The following MPPED2 variants were observed in gnomAD, a reference collection of about 807,000 sequenced individuals.
MPPED2 encodes metallophosphoesterase domain containing 2.
A neutral mutation model predicts 33.0 loss-of-function variants in MPPED2; 5 were observed. The ratio of observed to expected loss-of-function variants is 0.15; its 90% CI spans 0.08 to 0.32. The LOEUF (loss-of-function observed/expected upper bound fraction) is 0.32, where lower values mean the gene tolerates loss of function less well. Ranked by LOEUF, MPPED2 falls within the 10% of genes least tolerant of loss-of-function variation. The pLI is 1.00. For synonymous variants in MPPED2, 136 were observed against 141.9 expected (o/e 0.96, Z 0.29); for missense variants, 275 against 372.1 (o/e 0.74, Z 2.15).
chr11:30,384,240 G>A (rs906444714), downstream of MPPED2, among the ~76,000 whole-genome samples: 2 of 152,104 alleles, frequency 1.3e-5, no homozygotes, highest in South Asian at 4.1e-4. Flanking sequence ...CTTTGAATCT[G>A]CTTCTACTCT....
chr11:30,581,086 T>C (rs560467011), intron 1 of MPPED2, among the ~76,000 whole-genome samples: 1 of 152,368 alleles, frequency 6.6e-6, no homozygotes, highest in African/African-American at 2.4e-5. Context: ...CATTCCTCAC[T>C]GGCCCAGAAC....
downstream of MPPED2, among the ~76,000 whole-genome samples, chr11:30,408,639 C>T: frequency 6.6e-6 from 1 of 152,178 alleles, no homozygotes; most frequent in East Asian, 1.9e-4. Flanking sequence ...CATCCATCAA[C>T]TTATCCAGTC....
intron 4 of MPPED2, among the ~76,000 whole-genome samples, chr11:30,460,756 G>A (rs1423104959): frequency 6.6e-6 from 1 of 152,176 alleles, no homozygotes; most frequent in African/African-American, 2.4e-5. Flanking sequence ...CTGCTAAAAA[G>A]TAGCTTACAG....
chr11:30,560,654 C>T (rs928710075), intron 2 of MPPED2, among the ~76,000 whole-genome samples: 24 of 152,192 alleles, frequency 1.6e-4, no homozygotes, highest in Non-Finnish European at 2.9e-5. Flanking sequence ...TAACTCAAGA[C>T]ACTTTACTTG....
At chr11:30,477,094 A>G (rs756629906) in intron 4 of MPPED2, among the ~76,000 whole-genome samples, 4 of 152,018 alleles carry the variant, frequency 2.6e-5, no homozygotes, top group Non-Finnish European at 5.9e-5. Context: ...ATTCTTATTC[A>G]CTTATTACTT....
At position 30,397,269 on chromosome 11, in the gene MPPED2, T is replaced by C. The variant is rs548789355; in HGVS notation, c.767-8313A>G. ...TCTGAGTCATACTTATCAGCCACTA[T>C]TTCTTGTATGCTAGTTTGTTTTTCA... On this transcript the variant is annotated intron_variant, in intron 6 of 6. Coordinates refer to the MPPED2 transcript ENST00000448418. Among the ~76,000 whole-genome samples, 15 of 152,288 alleles carry C rather than the reference T, an allele frequency of 9.8e-5. No homozygotes were observed. The South Asian group carries it at 2.3e-3, about 23-fold the overall frequency.
At chr11:30,402,685 C>G (rs778988083) in intron 6 of MPPED2, among the ~76,000 whole-genome samples, 2 of 152,192 alleles carry the variant, frequency 1.3e-5, no homozygotes, top group Non-Finnish European at 2.9e-5. Flanking sequence ...CCACCCCCAT[C>G]TTAGCTTTTT....
chr11:30,434,196 G>A (rs2133861361), intron 4 of MPPED2, among the ~76,000 whole-genome samples: 1 of 152,254 alleles, frequency 6.6e-6, no homozygotes, highest in South Asian at 2.1e-4. Flanking sequence ...ATATTTCTGG[G>A]ATTAGGATGT....
At chr11:30,541,781 A>T (rs1271791438) in intron 2 of MPPED2, among the ~76,000 whole-genome samples, 6 of 152,080 alleles carry the variant, frequency 3.9e-5, no homozygotes, top group Non-Finnish European at 7.4e-5. Context: ...TTATAGAGAC[A>T]AGGTTTCACC....
chr11:30,436,322 A>AG (rs4068743), intron 4 of MPPED2, among the ~76,000 whole-genome samples: 1 of 151,542 alleles, frequency 6.6e-6, no homozygotes, highest in Non-Finnish European at 1.5e-5. Context: ...CAAACTTTAG[A>AG]CATCAGTCAC....
chr11:30,555,936 CTCTT>C (rs2134669399), intron 2 of MPPED2, among the ~76,000 whole-genome samples: 1 of 152,198 alleles, frequency 6.6e-6, no homozygotes, highest in South Asian at 2.1e-4. Flanking sequence ...TTTAGGAAAT[CTCTT>C]TCTTCCACAG....
At chr11:30,577,640 T>C (rs1252819946) in intron 2 of MPPED2, among the ~76,000 whole-genome samples, 1 of 152,220 alleles carries the variant, frequency 6.6e-6, no homozygotes, top group Admixed American at 6.5e-5. Flanking sequence ...AAATATGACA[T>C]GATTAAATCC....
At chr11:30,518,189 A>G (rs1455584041) in intron 3 of MPPED2, among the ~76,000 whole-genome samples, 1 of 152,308 alleles carries the variant, frequency 6.6e-6, no homozygotes, top group East Asian at 1.9e-4. Flanking sequence ...TTTAACCGAC[A>G]GTCTCCAGCC....
intron 6 of MPPED2, among the ~76,000 whole-genome samples, chr11:30,399,880 A>T (rs959605549): frequency 4.6e-5 from 7 of 152,198 alleles, no homozygotes; most frequent in East Asian, 1.9e-4. Context: ...TATACTTTTT[A>T]AAAAAATACC....
chr11:30,458,740 C>A (rs1252116638), intron 4 of MPPED2, among the ~76,000 whole-genome samples: 1 of 152,184 alleles, frequency 6.6e-6, no homozygotes, highest in East Asian at 1.9e-4. Context: ...GGTTCTGATT[C>A]ATGTCTAAGA....
At chr11:30,432,277 A>G (rs1011041652) in intron 4 of MPPED2, among the ~76,000 whole-genome samples, 1 of 152,226 alleles carries the variant, frequency 6.6e-6, no homozygotes, top group Non-Finnish European at 1.5e-5. Flanking sequence ...TGATGAATTC[A>G]AGGAATCTTG....
chr11:30,566,113 G>T (rs1271498730), intron 2 of MPPED2, among the ~76,000 whole-genome samples: 3 of 151,968 alleles, frequency 2.0e-5, no homozygotes, highest in African/African-American at 4.8e-5. Context: ...CAGATGACCC[G>T]TTTTCATGGT....
rs1256994825 is a variant in MPPED2 at position 30,495,346 on chromosome 11, T to C, written c.486A>G (p.Leu162=). The C allele has an allele frequency of 6.2e-7, 1 of 1,614,166 alleles. No homozygotes were observed. ...CCTTCACTGTTACCTCCGAATCTTG[T>C]AAGTAAATACTGTTTGTCAGGAGGG... ...VQSLLTNSIY[L]QDSEVTVKGF... Residue 162 remains leucine (L), a synonymous_variant, in exon 4 of 7, where the codon TTA becomes TTG. Transcript: ENST00000358117.
At chr11:30,576,790 G>C (rs1956948756) in intron 2 of MPPED2, among the ~76,000 whole-genome samples, 1 of 151,888 alleles carries the variant, frequency 6.6e-6, no homozygotes, top group African/African-American at 2.4e-5. Flanking sequence ...GTCTGGGTAA[G>C]TGAGGCACAC....
Sources: allele counts gnomAD v4.1 joint callset (sites outside exome capture counted in the v4.1 genomes callset), GRCh38; gene constraint gnomAD v4.1.1; transcripts MANE v1.5; gene names NCBI Gene and HGNC (gene_info 2026-07-23, HGNC 2026-07-21).